REDIC1: variants seen among roughly 807,000 people sequenced by gnomAD.
REDIC1 encodes the protein HEI10 Interacting Protein 1.
At chr12:39,687,817 A>G in the REDIC1 span, among the ~76,000 whole-genome samples, 112,004 of 152,134 alleles carry the variant, frequency 0.74, 42,647 homozygotes, top group Non-Finnish European at 0.84. Context: ...ATAAGGGTGT[A>G]ATTTTTACAA....
the REDIC1 span, among the ~76,000 whole-genome samples, chr12:39,712,872 TA>T: frequency 6.8e-6 from 1 of 146,164 alleles, no homozygotes; most frequent in East Asian, 2.0e-4. Flanking sequence ...TACACGTATA[TA>T]CACGTATATA....
chr12:39,903,097 A>C, the REDIC1 span, among the ~76,000 whole-genome samples: 7 of 152,182 alleles, frequency 4.6e-5, no homozygotes, highest in African/African-American at 1.7e-4. Flanking sequence ...GAGTCCAATT[A>C]GTGAGTCTAG....
chr12:39,687,217 T>C, the REDIC1 span, among the ~76,000 whole-genome samples: 1 of 152,196 alleles, frequency 6.6e-6, no homozygotes, highest in Non-Finnish European at 1.5e-5. Context: ...TCCTTCCACA[T>C]TTTCAGGTAT....
the REDIC1 span, among the ~76,000 whole-genome samples, chr12:39,651,812 A>G: frequency 6.6e-6 from 1 of 152,180 alleles, no homozygotes; most frequent in Non-Finnish European, 1.5e-5. Context: ...AATTTTGACA[A>G]TGTCAAAGAT....
the REDIC1 span, among the ~76,000 whole-genome samples, chr12:39,728,353 G>A: frequency 6.6e-6 from 1 of 152,134 alleles, no homozygotes; most frequent in Non-Finnish European, 1.5e-5. Context: ...TTAGCATGAA[G>A]GGGTGTTGAA....
the REDIC1 span, among the ~76,000 whole-genome samples, chr12:39,792,556 A>T: frequency 2.0e-5 from 3 of 152,174 alleles, no homozygotes; most frequent in Non-Finnish European, 4.4e-5. Context: ...ACAATTCTAG[A>T]TACTAAGCCT....
the REDIC1 span, among the ~76,000 whole-genome samples, chr12:39,668,206 A>G: frequency 1.0e-3 from 153 of 151,862 alleles, 2 homozygotes; most frequent in African/African-American, 3.3e-3. Context: ...GGCTGGTACC[A>G]GTTGTTCCTT....
the REDIC1 span, among the ~76,000 whole-genome samples, chr12:39,697,578 A>G: frequency 3.9e-5 from 6 of 152,246 alleles, no homozygotes; most frequent in Admixed American, 3.3e-4. Context: ...TATAAAAGAT[A>G]TATATAGAAA....
chr12:39,725,064 C>T, the REDIC1 span, among the ~76,000 whole-genome samples: 2 of 151,964 alleles, frequency 1.3e-5, no homozygotes, highest in Admixed American at 1.3e-4. Context: ...ATTCTAGTCC[C>T]AACATAATAA....
the REDIC1 span, among the ~76,000 whole-genome samples, chr12:39,674,474 C>T: frequency 6.6e-6 from 1 of 152,108 alleles, no homozygotes; most frequent in Non-Finnish European, 1.5e-5. Flanking sequence ...AAAAGCACTG[C>T]AGAAACATAC....
At chr12:39,715,436 C>G in the REDIC1 span, among the ~76,000 whole-genome samples, 1 of 151,714 alleles carries the variant, frequency 6.6e-6, no homozygotes, top group Non-Finnish European at 1.5e-5. Context: ...ATTTTTATAC[C>G]AGTACCATGC....
chr12:39,858,059 G>A, the REDIC1 span, among the ~76,000 whole-genome samples: 49 of 152,190 alleles, frequency 3.2e-4, no homozygotes, highest in Admixed American at 3.2e-3. Flanking sequence ...AAATTAAAAA[G>A]TTATGGCGAA....
the REDIC1 span, among the ~76,000 whole-genome samples, chr12:39,676,975 A>G: frequency 3.3e-5 from 5 of 152,010 alleles, no homozygotes; most frequent in Non-Finnish European, 5.9e-5. Flanking sequence ...ACACCAAAAT[A>G]GAACCTCCTT....
At chr12:39,664,457 T>C in the REDIC1 span, among the ~76,000 whole-genome samples, 1 of 152,212 alleles carries the variant, frequency 6.6e-6, no homozygotes, top group Non-Finnish European at 1.5e-5. Flanking sequence ...TGCCACATTT[T>C]CTTGATCCAG....
chr12:39,665,797 T>G, the REDIC1 span, among the ~76,000 whole-genome samples: 470 of 152,234 alleles, frequency 3.1e-3, 5 homozygotes, highest in African/African-American at 0.011. Context: ...ACATCCCTTG[T>G]AAGTTGGATT....
chr12:39,685,512 T>TC, the REDIC1 span, among the ~76,000 whole-genome samples: 17 of 151,998 alleles, frequency 1.1e-4, no homozygotes, highest in Non-Finnish European at 2.4e-4. Context: ...GCTAAACCAC[T>TC]CAGGAGAAAC....
chr12:39,722,446 C>T, the REDIC1 span, among the ~76,000 whole-genome samples: 2,367 of 152,106 alleles, frequency 0.016, 36 homozygotes, highest in Non-Finnish European at 0.025. Context: ...AAAGGTATTC[C>T]ACTGTGGATT....
chr12:39,721,150 T>A, the REDIC1 span: 1 of 1,613,692 alleles, frequency 6.2e-7, no homozygotes, highest in South Asian at 1.1e-5. Context: ...AATTTCAAAA[T>A]GTACATGTAG....
At chr12:39,713,026 TGTATATGTATATATACATGTGTATATACG>T in the REDIC1 span, among the ~76,000 whole-genome samples, 7 of 143,128 alleles carry the variant, frequency 4.9e-5, no homozygotes, top group South Asian at 2.2e-4. Context: ...TGTATATACG[TGTATATGTATATATACATGTGTATATACG>T]TGTATATGTG....
Sources: gnomAD v4.1 joint callset for allele counts (sites outside exome capture counted in the v4.1 genomes callset) on GRCh38, gnomAD v4.1.1 for gene constraint, MANE v1.5 for transcripts, NCBI Gene and HGNC (gene_info 2026-07-23, HGNC 2026-07-21) for gene names.